Variants in SLC24A4 observed in about 807,000 individuals in gnomAD.
The protein encoded by SLC24A4 is solute carrier family 24 member 4, also known as sodium/potassium/calcium exchanger 4.
Under a neutral mutation model 79.0 loss-of-function variants are expected in SLC24A4, and 53 were observed. That is an observed-to-expected ratio of 0.67 (90% CI 0.54 to 0.84). The LOEUF is 0.84. Among genes scored for constraint, SLC24A4 ranks in the 40% least tolerant of loss-of-function variants. SLC24A4 has a pLI of 0.00. For synonymous variants in SLC24A4, 323 were observed against 323.8 expected, an observed-to-expected ratio of 1.00 and a Z score of 0.03; for missense variants, 731 against 822.0, an observed-to-expected ratio of 0.89 and a Z score of 1.35.
intron 3 of SLC24A4, among the ~76,000 whole-genome samples, chr14:92,439,019 C>T (rs1259703210): frequency 5.3e-5 from 8 of 152,242 alleles, no homozygotes; most frequent in African/African-American, 1.2e-4. Context: ...CGGGGGGTTT[C>T]GAGAATTGTG....
At chr14:92,368,429 T>C (rs1887974870) in intron 2 of SLC24A4, among the ~76,000 whole-genome samples, 1 of 152,178 alleles carries the variant, frequency 6.6e-6, no homozygotes, top group African/African-American at 2.4e-5. Context: ...TGGAGACATC[T>C]GGAAGGAGGG....
chr14:92,324,685 C>T (rs1595115515), intron 1 of SLC24A4, among the ~76,000 whole-genome samples: 1 of 152,234 alleles, frequency 6.6e-6, no homozygotes, highest in East Asian at 1.9e-4. Context: ...GAGGCATTCA[C>T]TTCCCTAACT....
chr14:92,408,428 C>G (rs1397264616), intron 2 of SLC24A4: 2 of 985,198 alleles, frequency 2.0e-6, no homozygotes, highest in Non-Finnish European at 2.4e-6. Context: ...CCTATCTCTG[C>G]AAACATGTGA....
intron 2 of SLC24A4, among the ~76,000 whole-genome samples, chr14:92,406,111 G>A (rs1890360130): frequency 6.6e-6 from 1 of 152,206 alleles, no homozygotes; most frequent in African/African-American, 2.4e-5. Context: ...AGGGGCTACA[G>A]ACTCCATGCA....
intron 2 of SLC24A4, among the ~76,000 whole-genome samples, chr14:92,348,077 C>T (rs920077764): frequency 1.3e-5 from 2 of 152,166 alleles, no homozygotes; most frequent in Non-Finnish European, 2.9e-5. Context: ...CTGACATCCC[C>T]ACAGATGATG....
At chr14:92,410,384 TG>T (rs1356805896) in intron 2 of SLC24A4, among the ~76,000 whole-genome samples, 1 of 152,204 alleles carries the variant, frequency 6.6e-6, no homozygotes, top group Non-Finnish European at 1.5e-5. Context: ...CTTCTTATGT[TG>T]CCCAGGTTGG....
chr14:92,391,578 C>T (rs576924339), intron 2 of SLC24A4, among the ~76,000 whole-genome samples: 3 of 152,342 alleles, frequency 2.0e-5, no homozygotes, highest in African/African-American at 7.2e-5. Context: ...GCTTGGAAAA[C>T]ATAGTATGTC....
chr14:92,443,370 T>C, intron 6 of SLC24A4, 30 bp from the exon 7 acceptor site: 1 of 1,612,906 alleles, frequency 6.2e-7, no homozygotes, highest in Non-Finnish European at 8.5e-7. Context: ...TCTGCGCTCA[T>C]AGCAGCCAAC....
chr14:92,465,877 C>T (rs1894083631), intron 12 of SLC24A4, among the ~76,000 whole-genome samples: 1 of 152,162 alleles, frequency 6.6e-6, no homozygotes, highest in South Asian at 2.1e-4. Flanking sequence ...TCAGCTGGGC[C>T]TGCCTCTGAC....
chr14:92,455,335 A>T (rs1345478025), intron 11 of SLC24A4, among the ~76,000 whole-genome samples: 1 of 152,242 alleles, frequency 6.6e-6, no homozygotes, highest in African/African-American at 2.4e-5. Flanking sequence ...AGTCTTCATA[A>T]CAACCAAAAA....
intron 2 of SLC24A4, among the ~76,000 whole-genome samples, chr14:92,345,992 T>C (rs1403470562): frequency 6.6e-6 from 1 of 151,886 alleles, no homozygotes; most frequent in Non-Finnish European, 1.5e-5. Context: ...GGACCTAAAA[T>C]CAGGTGTTTG....
In SLC24A4 at chr14:92,453,955, G is replaced by A. The variant is rs751411026; in HGVS notation, c.936G>A (p.Met312Ile). ...KNPVVMVDEI[M>I]SSSPPKFTFP... ...CCGTGGTGATGGTGGACGAGATTAT[G>A]AGCTCCAGCCCTCCCAAGTTCACCT... The change falls in exon 11 of 17, where the codon ATG becomes ATA. Residue 312 changes from methionine (M) to isoleucine (I), a missense_variant. Coordinates refer to ENST00000532405, the MANE Select transcript of SLC24A4 (RefSeq NM_153646.4). The A allele has an allele frequency of 3.2e-5, 52 of 1,613,436 alleles. No individual in the cohort carries two copies. Among genetic ancestry groups the A allele is most frequent in the Non-Finnish European group, 4.3e-5 (51 of 1,179,746 alleles).
chr14:92,444,860 C>G (rs1892698571), intron 7 of SLC24A4, among the ~76,000 whole-genome samples: 1 of 150,906 alleles, frequency 6.6e-6, no homozygotes, highest in Non-Finnish European at 1.5e-5. Context: ...GTCTCAAAAA[C>G]AAAAAAATGA....
Position 92,474,858 on chromosome 14 carries a change from TATATA to T in SLC24A4, c.1256-7821_1256-7817del, listed in dbSNP as rs1211059883. On this transcript the variant is annotated intron_variant, in intron 12 of 16. Coordinates refer to ENST00000532405, the MANE Select transcript of SLC24A4 (RefSeq NM_153646.4). The stretch of plus-strand genomic sequence containing the variant: ...GTGTGTGTGTGTATATATATATATA[TATATA>T]TTTTTTTTTTTTTTAGTAGACACAG... 4.6e-5 allele frequency among the ~76,000 whole-genome samples: 3 copies of T among 65,806 alleles called. 1 individual carries two copies. Among genetic ancestry groups the T allele is most frequent in the Non-Finnish European group, 8.8e-5 (3 of 33,936 alleles). 43.2% of individuals were successfully genotyped at this position (65,806 alleles called of 152,430 possible). A position where few individuals can be genotyped will look rare whatever the true frequency, so the allele number is the denominator to read the frequency against.
chr14:92,378,678 T>TA (rs2141705292), intron 2 of SLC24A4, among the ~76,000 whole-genome samples: 1 of 152,362 alleles, frequency 6.6e-6, no homozygotes, highest in East Asian at 1.9e-4. Context: ...CTCTTACTGA[T>TA]ATCTTTTGAA....
chr14:92,424,571 A>G (rs10431739), intron 2 of SLC24A4, among the ~76,000 whole-genome samples: 63,556 of 151,770 alleles, frequency 0.42, 13,520 homozygotes, highest in Non-Finnish European at 0.44. Context: ...CTGTTTAACA[A>G]TCAGCTCTGG....
chr14:92,413,228 T>G (rs1331479595), intron 2 of SLC24A4, among the ~76,000 whole-genome samples: 1 of 152,170 alleles, frequency 6.6e-6, no homozygotes, highest in Non-Finnish European at 1.5e-5. Flanking sequence ...ATCCTGAAAC[T>G]TGGTGTCCTC....
chr14:92,425,968 G>A (rs776797997), intron 2 of SLC24A4, among the ~76,000 whole-genome samples: 1 of 152,136 alleles, frequency 6.6e-6, no homozygotes, highest in African/African-American at 2.4e-5. Flanking sequence ...GGGTGACAGA[G>A]TGAGACCCTG....
rs1013677991 is a variant in SLC24A4 at position 92,327,154 on chromosome 14, G to T, written c.241+1176G>T. Among the ~76,000 whole-genome samples the T allele has an allele frequency of 5.3e-5, 8 of 152,336 alleles. No individual in the cohort carries two copies. The South Asian group carries it at 1.7e-3, about 32-fold the overall frequency. On this transcript the variant is annotated intron_variant, in intron 2 of 16. Transcript: ENST00000532405. The stretch of plus-strand genomic sequence containing the variant: ...AACTAAAACCTTTGGTTGGTTCCCT[G>T]TGCTTAGGTGGGGGTGACCTTCTGT...
Sources: gnomAD v4.1 joint callset for allele counts (sites outside exome capture counted in the v4.1 genomes callset) on GRCh38, gnomAD v4.1.1 for gene constraint, MANE v1.5 for transcripts, NCBI Gene and HGNC (gene_info 2026-07-23, HGNC 2026-07-21) for gene names.